Variants in TRPM4 observed in about 807,000 individuals in gnomAD.
TRPM4 encodes calcium-activated non-selective cation channel 1.
A neutral mutation model predicts 135.6 loss-of-function variants in TRPM4; 124 were observed. The ratio of observed to expected loss-of-function variants is 0.91; its 90% CI spans 0.79 to 1.06. The LOEUF (loss-of-function observed/expected upper bound fraction) is 1.06. Among genes scored for constraint, TRPM4 ranks in the 50% least tolerant of loss-of-function variants. TRPM4 has a pLI of 0.00. For missense variants in TRPM4, 1,658 were observed against 1,671.4 expected (o/e 0.99, Z 0.14); for synonymous variants, 745 against 705.6 (o/e 1.06, Z -0.88).
intron 18 of TRPM4, 24 bp downstream of exon 18, chr19:49,200,456 TGGGCGGGGACATAGGGAAAG>T (rs1968875643): frequency 1.5e-6 from 1 of 674,498 alleles, no homozygotes; most frequent in Non-Finnish European, 2.1e-6. Context: ...GGGGCCAAAG[TGGGCGGGGACATAGGGAAAG>T]GGGTGGGGCC....
At position 49,211,102 on chromosome 19, in the gene TRPM4, C is replaced by A. The variant is rs779195363; in HGVS notation, c.3534+15C>A. The A allele has an allele frequency of 6.2e-7, 1 of 1,613,708 alleles. No homozygotes were observed. Among genetic ancestry groups the A allele is most frequent in the South Asian group, 1.1e-5 (1 of 90,948 alleles). ...TGGAGCGGGAGGTGAGGCCTTGGGG[C>A]CTGGCTGGGGGACTGTGGCAGGGGT... is the stretch of plus-strand genomic sequence containing the variant. On this transcript the variant is annotated intron_variant, in intron 23 of 24. Transcript: ENST00000252826. This position sits in a 1 kb window ranked among gnomAD's most constrained non-coding sequence, Gnocchi z 4.8.
chr19:49,171,682 A>T lies in TRPM4; in HGVS notation c.963A>T (p.Pro321=). ...LAETLEDTLA[P]GSGGARQGEA... is the part of the protein sequence containing the mutation. Reference sequence around the variant, plus strand: ...AGACCCTGGAAGACACTCTGGCCCCAGGGAGTGGGGGAGCCAGGCAAGGCG... The same window carrying T: ...AGACCCTGGAAGACACTCTGGCCCCTGGGAGTGGGGGAGCCAGGCAAGGCG... Residue 321 remains proline, a synonymous_variant, in exon 8 of 25, where the codon CCA becomes CCT. Transcript: ENST00000252826. This position sits in a 1 kb window ranked among gnomAD's most constrained non-coding sequence, Gnocchi z 4.7. The T allele has an allele frequency of 6.2e-7, 1 of 1,614,002 alleles. No individual in the cohort carries two copies. The highest frequency in any genetic ancestry group is 2.2e-5 in the East Asian group (1 of 44,878).
At chr19:49,178,282 G>T (rs747636706) in intron 9 of TRPM4, among the ~76,000 whole-genome samples, 18 of 152,102 alleles carry the variant, frequency 1.2e-4, no homozygotes, top group African/African-American at 4.3e-4. Flanking sequence ...CTGTGATGGC[G>T]CCACTGCACT....
intron 20 of TRPM4, among the ~76,000 whole-genome samples, chr19:49,208,766 G>A (rs568651707): frequency 6.4e-4 from 97 of 151,788 alleles, no homozygotes; most frequent in Non-Finnish European, 1.2e-3. Flanking sequence ...GTGGCTTGCC[G>A]CCCACACATG....
At chr19:49,204,513 T>A (rs541005608) in intron 20 of TRPM4, among the ~76,000 whole-genome samples, 1 of 151,160 alleles carries the variant, frequency 6.6e-6, no homozygotes, top group African/African-American at 2.4e-5. Flanking sequence ...GGTGGGAGGA[T>A]TGCTTGAGCA....
In TRPM4 at chr19:49,210,985, T is replaced by A. The variant is rs1474489105; in HGVS notation, c.3462-30T>A. ...GCCCTGGGGGTGGGTGGGCTGCGGGTGCCCCCGGTAAGAGGCCCTCCCTTC... is the reference window on the plus strand; with the variant it reads ...GCCCTGGGGGTGGGTGGGCTGCGGGAGCCCCCGGTAAGAGGCCCTCCCTTC... On this transcript the variant is annotated intron_variant, in intron 22 of 24. Coordinates refer to ENST00000252826, the MANE Select transcript of TRPM4 (RefSeq NM_017636.4). This position sits in a 1 kb window ranked among gnomAD's most constrained non-coding sequence, Gnocchi z 4.1. The A allele has an allele frequency of 6.5e-7, 1 of 1,545,064 alleles. No homozygotes were observed. Among genetic ancestry groups the A allele is most frequent in the Admixed American group, 1.7e-5 (1 of 58,322 alleles).
Position 49,168,649 on chromosome 19 carries a change from G to A in TRPM4, c.709G>A (p.Asp237Asn), listed in dbSNP as rs763835676. The A allele has an allele frequency of 3.1e-6, 5 of 1,613,334 alleles. No homozygotes were observed. The highest frequency in any genetic ancestry group is 1.1e-5 in the South Asian group (1 of 91,036). ...YNYSAFFLVD[D>N]GTHGCLGGEN... ...CTACTCGGCCTTCTTCCTGGTGGACGACGGCACACACGGCTGCCTGGGGGG... is the reference window on the plus strand; with the variant it reads ...CTACTCGGCCTTCTTCCTGGTGGACAACGGCACACACGGCTGCCTGGGGGG... Residue 237 changes from aspartate to asparagine, a missense_variant, in exon 6 of 25, where the codon GAC becomes AAC. Coordinates refer to ENST00000252826, the MANE Select transcript of TRPM4 (RefSeq NM_017636.4).
intron 2 of TRPM4, among the ~76,000 whole-genome samples, chr19:49,162,203 C>T (rs1452441909): frequency 2.0e-5 from 3 of 152,048 alleles, no homozygotes; most frequent in Non-Finnish European, 2.9e-5. Flanking sequence ...GAATAAGGGC[C>T]GTTGTATATG....
chr19:49,207,645 A>G (rs1347108396), intron 20 of TRPM4, among the ~76,000 whole-genome samples: 1 of 149,570 alleles, frequency 6.7e-6, no homozygotes, highest in Non-Finnish European at 1.5e-5. Flanking sequence ...TCAAAAAAAA[A>G]AAAAAAAAAA....
At chr19:49,161,929 C>T (rs1966982661) in intron 2 of TRPM4, among the ~76,000 whole-genome samples, 3 of 152,138 alleles carry the variant, frequency 2.0e-5, no homozygotes, top group Admixed American at 1.3e-4. Flanking sequence ...TGCTCCTGGC[C>T]CTGGCTACTT....
rs367897902 is a variant in TRPM4, at chr19:49,189,063, G to A, written c.1991G>A (p.Arg664His). 9 of 1,614,048 alleles carry A rather than the reference G, an allele frequency of 5.6e-6. No individual in the cohort carries two copies. The highest frequency in any genetic ancestry group is 5.3e-5 in the African/African-American group (4 of 74,914). Residue 664 changes from arginine to histidine, a missense_variant, in exon 14 of 25, where the codon CGT (arginine) becomes CAT (histidine). This residue lies in a region of TRPM4 where 1,412 missense variants were observed against 1,408.7 expected (regional missense o/e 1.00). Coordinates refer to ENST00000252826, the MANE Select transcript of TRPM4 (RefSeq NM_017636.4). ...CAGCTGGCCATGCAAGCTGACGCCC[G>A]TGCCTTCTTTGCCCAGGATGGGGTA... is the stretch of plus-strand genomic sequence containing the variant. The part of the protein sequence containing the change: ...CLQLAMQADA[R>H]AFFAQDGVQS...
intron 6 of TRPM4, 85 bp downstream of exon 6, chr19:49,168,821 G>A (rs983421410): frequency 1.1e-5 from 15 of 1,381,248 alleles, no homozygotes; most frequent in Admixed American, 9.9e-5. Flanking sequence ...TGGTCTGGTC[G>A]AGATTTGGGG....
At chr19:49,204,908 G>T (rs1262169415) in intron 20 of TRPM4, among the ~76,000 whole-genome samples, 2 of 146,658 alleles carry the variant, frequency 1.4e-5, no homozygotes, top group Non-Finnish European at 3.0e-5. Context: ...TCCTATGTTA[G>T]GTCTCTCTGT....
chr19:49,198,925 A>G (rs1004738394), intron 17 of TRPM4, among the ~76,000 whole-genome samples: 3 of 152,032 alleles, frequency 2.0e-5, no homozygotes, highest in Non-Finnish European at 4.4e-5. Context: ...TTCCAAAATA[A>G]TAAAAGTTTA....
chr19:49,181,822 G>A lies in TRPM4; in HGVS notation c.1263+361G>A, dbSNP rs192258329. Among the ~76,000 whole-genome samples, 91 of 151,878 alleles carry A rather than the reference G, an allele frequency of 6.0e-4. No homozygotes were observed. In the East Asian group the frequency reaches 0.015, roughly 24 times the overall value. ...GCTGGGGTTACAGGCATGAGCCACC[G>A]CACCCGGCCTCTCTGCCTTCTTAGA... is the stretch of plus-strand genomic sequence containing the variant. On this transcript the variant is annotated intron_variant, in intron 10 of 24. Transcript: ENST00000252826.
chr19:49,160,358 C>T (rs1021815047), intron 2 of TRPM4, among the ~76,000 whole-genome samples: 9 of 151,858 alleles, frequency 5.9e-5, no homozygotes, highest in African/African-American at 1.9e-4. Context: ...GGCGTATTGG[C>T]GCATGCCTGT....
chr19:49,179,849 G>C (rs1349078740), intron 9 of TRPM4, among the ~76,000 whole-genome samples: 4 of 152,148 alleles, frequency 2.6e-5, no homozygotes, highest in African/African-American at 9.7e-5. Flanking sequence ...GCACAGCCTT[G>C]GAGGTTACAC....
At chr19:49,207,777 C>A (rs1338786591) in intron 20 of TRPM4, among the ~76,000 whole-genome samples, 1 of 151,812 alleles carries the variant, frequency 6.6e-6, no homozygotes, top group Non-Finnish European at 1.5e-5. Flanking sequence ...GCCAGCCCTA[C>A]AAGGTCTGTG....
chr19:49,178,095 C>T (rs541517222), intron 9 of TRPM4, among the ~76,000 whole-genome samples: 2 of 152,186 alleles, frequency 1.3e-5, no homozygotes, highest in Non-Finnish European at 2.9e-5. Context: ...CCTTGGAAGA[C>T]TAAGGAAGGA....
Sources: allele counts gnomAD v4.1 joint callset (sites outside exome capture counted in the v4.1 genomes callset), GRCh38; gene constraint gnomAD v4.1.1; regional missense constraint gnomAD v4.1.1; non-coding constraint Gnocchi (gnomAD v3.1); transcripts MANE v1.5; gene names NCBI Gene and HGNC (gene_info 2026-07-23, HGNC 2026-07-21).